DYNC1H1: variants seen among roughly 807,000 people sequenced by gnomAD.
DYNC1H1 encodes dynein cytoplasmic 1 heavy chain 1, also known as cytoplasmic dynein 1 heavy chain 1.
Under a neutral mutation model 527.1 loss-of-function variants are expected in DYNC1H1, and 51 were observed. The observed-to-expected ratio is 0.10, with a 90% CI of 0.08 to 0.12. The LOEUF is 0.12. Ranked by LOEUF, DYNC1H1 falls within the 10% of genes least tolerant of loss-of-function variation. The probability of loss-of-function intolerance (pLI) is 1.00; values close to 1 mark genes in which losing one functional copy is unlikely to be tolerated. For synonymous variants in DYNC1H1, 2,189 were observed against 2,278.8 expected, an observed-to-expected ratio of 0.96 and a Z score of 1.12; for missense variants, 2,771 against 5,971.8, an observed-to-expected ratio of 0.46 and a Z score of 17.66.
chr14:102,028,593 C>T (rs1247040538), intron 48 of DYNC1H1: 1 of 245,226 alleles, frequency 4.1e-6, no homozygotes, highest in Non-Finnish European at 8.1e-6. Flanking sequence ...TTGTTTCTTA[C>T]CTCTTACCTC....
At chr14:102,000,759 A>G in intron 18 of DYNC1H1, 195 bp from the exon 19 acceptor site, 1 of 568,366 alleles carries the variant, frequency 1.8e-6, no homozygotes, top group South Asian at 1.8e-5. Flanking sequence ...TTTTTAGTAG[A>G]GACAGGGTTT....
In DYNC1H1 at chr14:101,965,156, C is replaced by G. The variant is rs1566991241; in HGVS notation, c.256+209C>G. On this transcript the variant is annotated intron_variant, in intron 1 of 77. Coordinates refer to ENST00000360184, the MANE Select transcript of DYNC1H1 (RefSeq NM_001376.5). This position sits in a 1 kb window ranked among gnomAD's most constrained non-coding sequence, Gnocchi z 4.1. ...GCCCCGCAGAGGCCGGCGCGGCGCC[C>G]GGGGCTCGCCCTCGCCACACCCACT... Among the ~76,000 whole-genome samples the G allele has an allele frequency of 6.6e-6, 1 of 151,896 alleles. No homozygotes were observed. Among genetic ancestry groups the G allele is most frequent in the Non-Finnish European group, 1.5e-5 (1 of 67,936 alleles).
At chr14:102,003,462 A>G (rs937780552) in intron 23 of DYNC1H1, among the ~76,000 whole-genome samples, 1 of 152,048 alleles carries the variant, frequency 6.6e-6, no homozygotes, top group African/African-American at 2.4e-5. Flanking sequence ...GGTTTTCGCC[A>G]TGTTGGTCAG....
chr14:102,033,364 C>T lies in DYNC1H1; in HGVS notation c.10293C>T (p.Asn3431=), dbSNP rs75075497. 900 of 1,614,204 alleles carry T rather than the reference C, an allele frequency of 5.6e-4. 2 individuals carry two copies. The African/African-American group carries it at 0.011, about 20-fold the overall frequency. Residue 3431 remains asparagine (N), a synonymous_variant, in exon 54 of 78, where the codon AAC becomes AAT. Transcript: ENST00000360184. This position sits in a 1 kb window ranked among gnomAD's most constrained non-coding sequence, Gnocchi z 5.6. ...DDAKDNQQKA[N]EVEQMIRDLE... is the part of the protein sequence containing the mutation. ...CCAAGGACAACCAGCAGAAGGCCAA[C>T]GAGGTGGAGCAGATGATCCGAGACC...
At chr14:102,032,937 AT>A (rs2048526992) in intron 52 of DYNC1H1, 127 bp from the exon 53 acceptor site, 2 of 928,954 alleles carry the variant, frequency 2.2e-6, no homozygotes, top group Admixed American at 3.7e-5. Context: ...AGTCTAGCTC[AT>A]CCCCAGTGGT....
Position 102,042,839 on chromosome 14 carries a change from G to C in DYNC1H1, c.12513+91G>C. On this transcript the variant is annotated intron_variant, in intron 69 of 77. Coordinates refer to ENST00000360184, the MANE Select transcript of DYNC1H1 (RefSeq NM_001376.5). The surrounding 1 kb of genome is among the most constrained non-coding windows in gnomAD (Gnocchi z 5.7). ...GCAGAAGTGGGTCCCTGGGCCCCCG[G>C]AAGTGCCGTGTGGTGAACTGCACAG... The C allele has an allele frequency of 7.0e-7, 1 of 1,428,672 alleles. No individual in the cohort carries two copies. Among genetic ancestry groups the C allele is most frequent in the Admixed American group, 1.9e-5 (1 of 52,334 alleles). The allele number at this position is 1,428,672 out of a possible 1,614,324, so 88.5% of individuals were successfully genotyped here. A position where few individuals can be genotyped will look rare whatever the true frequency, so the allele number is the denominator to read the frequency against.
chr14:101,996,249 C>T (rs975685071), intron 15 of DYNC1H1, among the ~76,000 whole-genome samples: 2 of 150,604 alleles, frequency 1.3e-5, no homozygotes, highest in African/African-American at 2.4e-5. Context: ...CCTGCCTCAG[C>T]CTCCCGAGTA....
intron 12 of DYNC1H1, 97 bp downstream of exon 12, chr14:101,994,421 T>C: frequency 6.4e-7 from 1 of 1,559,320 alleles, no homozygotes; most frequent in Non-Finnish European, 8.8e-7. Context: ...AGGTCTTGAC[T>C]GTATGTATGG....
chr14:101,982,533 A>C (rs1327201416), intron 5 of DYNC1H1, among the ~76,000 whole-genome samples: 1 of 152,036 alleles, frequency 6.6e-6, no homozygotes, highest in Non-Finnish European at 1.5e-5. Context: ...TGGAGGTTGC[A>C]GTGAGCCGAG....
intron 51 of DYNC1H1, among the ~76,000 whole-genome samples, chr14:102,031,557 C>T (rs1217128454): frequency 6.6e-6 from 1 of 152,166 alleles, no homozygotes; most frequent in Non-Finnish European, 1.5e-5. Flanking sequence ...GTTAACTCCA[C>T]GTCTTTACGC....
chr14:102,000,308 A>T lies in DYNC1H1; in HGVS notation c.3983A>T (p.Asp1328Val). ...RVQVALEELQ[D>V]LKGVWSELSK... ...CAGGTGGCCTTAGAAGAATTACAGGACCTCAAAGGCGTTTGGTCAGAACTT... is the reference window on the plus strand; with the variant it reads ...CAGGTGGCCTTAGAAGAATTACAGGTCCTCAAAGGCGTTTGGTCAGAACTT... Residue 1328 changes from aspartate (D) to valine (V), a missense_variant, in exon 18 of 78, where the codon GAC becomes GTC. By Grantham distance (152) the Asp-to-Val change is radical (BLOSUM62 -3). Around this residue, in one of 32 missense-constraint regions of DYNC1H1, gnomAD observed 223 missense variants for 462.5 expected, o/e 0.48. Transcript: ENST00000360184. The T allele has an allele frequency of 6.2e-7, 1 of 1,614,118 alleles. No homozygotes were observed. The highest frequency in any genetic ancestry group is 8.5e-7 in the Non-Finnish European group (1 of 1,180,016).
In DYNC1H1 at chr14:102,042,172, TG is replaced by T; in HGVS notation, c.12214+50del. The T allele has an allele frequency of 6.2e-7, 1 of 1,613,914 alleles. No individual in the cohort carries two copies. The highest frequency in any genetic ancestry group is 8.5e-7 in the Non-Finnish European group (1 of 1,179,964). On this transcript the variant is annotated intron_variant, in intron 66 of 77. Coordinates refer to ENST00000360184, the MANE Select transcript of DYNC1H1 (RefSeq NM_001376.5). The surrounding 1 kb of genome is among the most constrained non-coding windows in gnomAD (Gnocchi z 5.7). ...ATGGGCTGGAGCCCTGCAGGATTTG[TG>T]GTGGGCATTGATGTCCGAGGCTGCC... is the stretch of plus-strand genomic sequence containing the variant.
intron 15 of DYNC1H1, 74 bp downstream of exon 15, chr14:101,995,374 G>C (rs1410300229): frequency 1.3e-6 from 2 of 1,569,028 alleles, no homozygotes; most frequent in Non-Finnish European, 1.7e-6. Context: ...CACTTTGGGA[G>C]GCCGAGGCGG....
chr14:102,034,571 G>A lies in DYNC1H1; in HGVS notation c.10754+119G>A, dbSNP rs574453329. 153 of 1,544,600 alleles carry A rather than the reference G, an allele frequency of 9.9e-5. 1 individual carries two copies. The African/African-American group carries it at 2.0e-3, about 20-fold the overall frequency. On this transcript the variant is annotated intron_variant, in intron 56 of 77. Coordinates refer to ENST00000360184, the MANE Select transcript of DYNC1H1 (RefSeq NM_001376.5). ...AGAAAATGGGGCGTGGGCATACAGT[G>A]CTGGCAGCTTGGTGCTCCTCTGATG...
At position 101,997,977 on chromosome 14, in the gene DYNC1H1, G is replaced by T. The variant is rs1379985816; in HGVS notation, c.3804+703G>T. Among the ~76,000 whole-genome samples the T allele has an allele frequency of 6.6e-6, 1 of 152,226 alleles. No homozygotes were observed. Among genetic ancestry groups the T allele is most frequent in the Non-Finnish European group, 1.5e-5 (1 of 68,042 alleles). On this transcript the variant is annotated intron_variant, in intron 16 of 77. Coordinates refer to ENST00000360184, the MANE Select transcript of DYNC1H1 (RefSeq NM_001376.5). The surrounding 1 kb of genome is among the most constrained non-coding windows in gnomAD (Gnocchi z 4.8). The stretch of plus-strand genomic sequence containing the variant: ...CTACTGCTGTGCCTGGGAGGGTGGT[G>T]TGGAAGGGGGCTGGCAACTCATGCT...
Position 102,036,322 on chromosome 14 carries a change from T to G in DYNC1H1, c.10755-167T>G. On this transcript the variant is annotated intron_variant, in intron 56 of 77. Transcript: ENST00000360184. This position sits in a 1 kb window ranked among gnomAD's most constrained non-coding sequence, Gnocchi z 5.6. ...CAAAAGGATGAGGTGATGTTAGCAT[T>G]AAGCATGTAAGCTTTATTGGTAAAC... 1 of 776,120 alleles carries G rather than the reference T, an allele frequency of 1.3e-6. No individual in the cohort carries two copies. The highest frequency in any genetic ancestry group is 2.2e-6 in the Non-Finnish European group (1 of 459,862). 48.1% of individuals were successfully genotyped at this position (776,120 alleles called of 1,614,324 possible).
rs765489833 is a variant in DYNC1H1, at chr14:102,039,291, G to A, written c.11460+37G>A. 2.5e-5 allele frequency: 40 copies of A among 1,610,632 alleles called. No homozygotes were observed. The highest frequency in any genetic ancestry group is 3.2e-5 in the Non-Finnish European group (38 of 1,179,800). The stretch of plus-strand genomic sequence containing the variant: ...GGCCATGCAGAGACTGGCGGGCCCC[G>A]CACAGTAGCTCCTTGGCCGCACAGA... On this transcript the variant is annotated intron_variant, in intron 60 of 77. Coordinates refer to ENST00000360184, the MANE Select transcript of DYNC1H1 (RefSeq NM_001376.5). The surrounding 1 kb of genome is among the most constrained non-coding windows in gnomAD (Gnocchi z 7.0).
Position 102,039,848 on chromosome 14 carries a change from T to A in DYNC1H1, c.11690+116T>A. ...ATTTTCTCTTTTATTTTCTTTATTT[T>A]ATTTTTTGAGACGGAGTCTCCCTTT... On this transcript the variant is annotated intron_variant, in intron 62 of 77. Coordinates refer to ENST00000360184, the MANE Select transcript of DYNC1H1 (RefSeq NM_001376.5). This position sits in a 1 kb window ranked among gnomAD's most constrained non-coding sequence, Gnocchi z 7.0. 2.3e-6 allele frequency: 3 copies of A among 1,323,780 alleles called. No homozygotes were observed. The East Asian group carries it at 7.6e-5, about 33-fold the overall frequency. The allele number at this position is 1,323,780 out of a possible 1,614,324, so 82.0% of individuals were successfully genotyped here. A position where few individuals can be genotyped will look rare whatever the true frequency, so the allele number is the denominator to read the frequency against.
rs2141286139 is a variant in DYNC1H1, at chr14:102,001,535, A to G, written c.4396A>G (p.Ile1466Val). ...ATGCATCTTTCTGGTTTGAATTCAG[A>G]TAAGAGAAGTGTGGAATACTTATGA... ...EMALEEFLKQ[I>V]REVWNTYELD... The change falls in exon 21 of 78, where the codon ATA becomes GTA. Residue 1466 changes from isoleucine to valine, a missense_variant and splice_region_variant. This residue lies in a region of DYNC1H1 where 223 missense variants were observed against 462.5 expected (regional missense o/e 0.48). Transcript: ENST00000360184. The surrounding 1 kb of genome is among the most constrained non-coding windows in gnomAD (Gnocchi z 5.0). The G allele has an allele frequency of 6.2e-7, 1 of 1,614,158 alleles. No homozygotes were observed. The highest frequency in any genetic ancestry group is 8.5e-7 in the Non-Finnish European group (1 of 1,180,026).
Sources: gnomAD v4.1 joint callset for allele counts (sites outside exome capture counted in the v4.1 genomes callset) on GRCh38, gnomAD v4.1.1 for gene constraint, gnomAD v4.1.1 regional missense constraint, Gnocchi (gnomAD v3.1) non-coding constraint, MANE v1.5 for transcripts, NCBI Gene and HGNC (gene_info 2026-07-23, HGNC 2026-07-21) for gene names.